The following KIF21A variants were observed in gnomAD, a reference collection of about 807,000 sequenced individuals.
KIF21A encodes the protein kinesin-like protein KIF21A.
Under a neutral mutation model 202.9 loss-of-function variants are expected in KIF21A, and 114 were observed. That is an observed-to-expected ratio of 0.56 (90% CI 0.48 to 0.66). KIF21A has a LOEUF of 0.66. Among genes scored for constraint, KIF21A ranks in the 30% least tolerant of loss-of-function variants. The pLI is 0.00. For missense variants in KIF21A, 1,677 were observed against 1,994.9 expected (o/e 0.84, Z 3.04); for synonymous variants, 667 against 670.8 (o/e 0.99, Z 0.09).
chr12:39,325,775 G>T, intron 26 of KIF21A, 64 bp downstream of exon 26: 1 of 1,139,066 alleles, frequency 8.8e-7, no homozygotes, highest in Non-Finnish European at 1.3e-6. Flanking sequence ...GAACCTATGT[G>T]TTAAATAGTG....
At chr12:39,392,063 C>A (rs1216544654) in intron 1 of KIF21A, among the ~76,000 whole-genome samples, 3 of 151,698 alleles carry the variant, frequency 2.0e-5, no homozygotes. Context: ...TTAAAAGAAG[C>A]GATTGATAAA....
chr12:39,318,017 T>C lies in KIF21A; in HGVS notation c.3908+56A>G, dbSNP rs1944758073. The C allele has an allele frequency of 9.7e-6, 15 of 1,550,016 alleles. No homozygotes were observed. In the Admixed American group the frequency reaches 2.0e-4, roughly 21 times the overall value. On this transcript the variant is annotated intron_variant, in intron 29 of 37. Coordinates refer to ENST00000361418, the MANE Select transcript of KIF21A (RefSeq NM_001173464.2). ...GACTACATGTTTTCTACAGACTGTA[T>C]TGACAGGTTCAGAATATTATATAAA...
intron 33 of KIF21A, 36 bp from the exon 34 acceptor site, chr12:39,307,765 T>G: frequency 6.2e-7 from 1 of 1,601,700 alleles, no homozygotes; most frequent in Non-Finnish European, 8.5e-7. Flanking sequence ...AAGTCACACT[T>G]CTGGACTTGG....
chr12:39,295,225 T>G (rs1050846461), intron 37 of KIF21A, among the ~76,000 whole-genome samples: 1 of 152,222 alleles, frequency 6.6e-6, no homozygotes, highest in African/African-American at 2.4e-5. Context: ...AAATTTTTTA[T>G]AAAAAGGGAA....
intron 1 of KIF21A, among the ~76,000 whole-genome samples, chr12:39,415,151 G>GT (rs200906037): frequency 3.9e-4 from 54 of 138,530 alleles, no homozygotes; most frequent in South Asian, 1.8e-3. Flanking sequence ...CCTTAAGTCA[G>GT]TTTTTTTTGT....
In KIF21A at chr12:39,301,624, T is replaced by C; in HGVS notation, c.4787A>G (p.His1596Arg). ...WVCALGVVPD[H>R]PVLLSGCRGG... ...TCTGCAGCCACTGAGCAAAACTGGGTGGTCTGGCACCACTCCCAGGGCACA... is the reference window on the plus strand; with the variant it reads ...TCTGCAGCCACTGAGCAAAACTGGGCGGTCTGGCACCACTCCCAGGGCACA... Residue 1596 changes from histidine to arginine, a missense_variant, in exon 37 of 38, where the codon CAC becomes CGC. By Grantham distance (29) the His-to-Arg change is conservative (BLOSUM62 0). Transcript: ENST00000361418. 1 of 1,614,100 alleles carries C rather than the reference T, an allele frequency of 6.2e-7. No individual in the cohort carries two copies. Among genetic ancestry groups the C allele is most frequent in the Non-Finnish European group, 8.5e-7 (1 of 1,179,992 alleles).
chr12:39,325,769 C>T, intron 26 of KIF21A, 70 bp downstream of exon 26: 1 of 1,048,352 alleles, frequency 9.5e-7, no homozygotes, highest in South Asian at 1.3e-5. Context: ...AAATCTGAAC[C>T]TATGTGTTAA....
At chr12:39,393,147 G>A (rs1951494779) in intron 1 of KIF21A, among the ~76,000 whole-genome samples, 1 of 151,748 alleles carries the variant, frequency 6.6e-6, no homozygotes. Context: ...AACCTTGTCA[G>A]CTGTCTCAGC....
At chr12:39,376,582 T>C (rs1406571112) in intron 1 of KIF21A, among the ~76,000 whole-genome samples, 1 of 152,116 alleles carries the variant, frequency 6.6e-6, no homozygotes, top group Non-Finnish European at 1.5e-5. Flanking sequence ...AATGAGCTAC[T>C]GAAGGAATGC....
chr12:39,302,217 C>T (rs2137134910), intron 36 of KIF21A, among the ~76,000 whole-genome samples: 1 of 152,190 alleles, frequency 6.6e-6, no homozygotes, highest in Non-Finnish European at 1.5e-5. Context: ...TATTTATATG[C>T]ACAATATAAA....
At position 39,303,143 on chromosome 12, in the gene KIF21A, G is replaced by C. The variant is rs1050716912; in HGVS notation, c.4561-8C>G. 1 of 1,613,452 alleles carries C rather than the reference G, an allele frequency of 6.2e-7. No homozygotes were observed. Among genetic ancestry groups the C allele is most frequent in the Non-Finnish European group, 8.5e-7 (1 of 1,179,698 alleles). On this transcript the variant is annotated splice_region_variant and splice_polypyrimidine_tract_variant and intron_variant, in intron 35 of 37. Coordinates refer to ENST00000361418, the MANE Select transcript of KIF21A (RefSeq NM_001173464.2). ...TTCTGTAACATCAAACATCTAAAAA[G>C]GTAGAAACAAAGCAGTTATCCTATT...
intron 11 of KIF21A, among the ~76,000 whole-genome samples, chr12:39,346,840 A>G (rs1480971313): frequency 6.6e-6 from 1 of 151,764 alleles, no homozygotes; most frequent in Non-Finnish European, 1.5e-5. Context: ...AAGTGGGTCA[A>G]TTTACTCAGC....
At chr12:39,401,434 A>C (rs1952166914) in intron 1 of KIF21A, among the ~76,000 whole-genome samples, 1 of 152,198 alleles carries the variant, frequency 6.6e-6, no homozygotes, top group Admixed American at 6.5e-5. Context: ...GTCTTTTAAA[A>C]AGACAATATT....
Position 39,331,746 on chromosome 12 carries a change from T to C in KIF21A, c.3097A>G (p.Thr1033Ala). 1 of 1,613,746 alleles carries C rather than the reference T, an allele frequency of 6.2e-7. No individual in the cohort carries two copies. Among genetic ancestry groups the C allele is most frequent in the Non-Finnish European group, 8.5e-7 (1 of 1,179,730 alleles). The stretch of plus-strand genomic sequence containing the variant: ...AGCAGGTATCGGGCTTCTGTAAGGG[T>C]GCAGGCATTAATGACTGCAGTAACA... ...LDVTAVINACTLTEARYLLDH... is the reference protein window; with the variant it reads ...LDVTAVINACALTEARYLLDH... Residue 1033 changes from threonine (T) to alanine (A), a missense_variant, in exon 22 of 38, where the codon ACC becomes GCC. Physicochemically the swap from Thr to Ala is moderately conservative, Grantham distance 58. This residue lies in a region of KIF21A where 705 missense variants were observed against 791.9 expected (regional missense o/e 0.89). Coordinates refer to ENST00000361418, the MANE Select transcript of KIF21A (RefSeq NM_001173464.2).
chr12:39,307,676 G>C lies in KIF21A; in HGVS notation c.4331C>G (p.Thr1444Arg). Reference protein sequence around the residue: ...GDACSASTSRTVAIPSGENQI... With the variant: ...GDACSASTSRRVAIPSGENQI... Reference sequence around the variant, plus strand: ...GTTCTCTCCAGAAGGAATAGCTACTGTTCGACTGGTACTTGCAGAACAAGC... The same window carrying C: ...GTTCTCTCCAGAAGGAATAGCTACTCTTCGACTGGTACTTGCAGAACAAGC... Residue 1444 changes from threonine to arginine, a missense_variant, in exon 34 of 38, where the codon ACA (threonine) becomes AGA (arginine). Physicochemically the swap from Thr to Arg is moderately conservative, Grantham distance 71. This residue lies in a region of KIF21A where 705 missense variants were observed against 791.9 expected (regional missense o/e 0.89). Transcript: ENST00000361418. 1 of 1,614,056 alleles carries C rather than the reference G, an allele frequency of 6.2e-7. No individual in the cohort carries two copies. Among genetic ancestry groups the C allele is most frequent in the East Asian group, 2.2e-5 (1 of 44,846 alleles).
intron 1 of KIF21A, among the ~76,000 whole-genome samples, chr12:39,395,898 C>T (rs1951714322): frequency 6.6e-6 from 1 of 151,670 alleles, no homozygotes; most frequent in South Asian, 2.1e-4. Context: ...TCTTCCTTCC[C>T]CCCGCCTCTC....
chr12:39,348,604 C>A (rs949357147), intron 11 of KIF21A, among the ~76,000 whole-genome samples: 55 of 151,964 alleles, frequency 3.6e-4, no homozygotes, highest in Admixed American at 3.4e-3. Flanking sequence ...TATAGCCACT[C>A]CAACCAAAAA....
intron 11 of KIF21A, among the ~76,000 whole-genome samples, chr12:39,348,403 A>G (rs1948085300): frequency 6.6e-6 from 1 of 152,130 alleles, no homozygotes; most frequent in Non-Finnish European, 1.5e-5. Flanking sequence ...GAAAATAAGC[A>G]CAAAAAGGTA....
In KIF21A at chr12:39,294,058, G is replaced by A. The variant is rs1942069691; in HGVS notation, c.*366C>T. On this transcript the variant is annotated 3_prime_UTR_variant, in exon 38 of 38. Coordinates refer to ENST00000361418, the MANE Select transcript of KIF21A (RefSeq NM_001173464.2). ...TCACTTGAATAAACTACATGAATGA[G>A]TTAATGGTGGGCTGCATCGTATTCC... 4.5e-6 allele frequency: 1 copy of A among 223,364 alleles called. No homozygotes were observed. The highest frequency in any genetic ancestry group is 6.9e-5 in the South Asian group (1 of 14,572). 13.8% of individuals were successfully genotyped at this position (223,364 alleles called of 1,614,324 possible). A position where few individuals can be genotyped will look rare whatever the true frequency, so the allele number is the denominator to read the frequency against.
Sources: allele counts gnomAD v4.1 joint callset (sites outside exome capture counted in the v4.1 genomes callset), GRCh38; gene constraint gnomAD v4.1.1; regional missense constraint gnomAD v4.1.1; transcripts MANE v1.5; gene names NCBI Gene and HGNC (gene_info 2026-07-23, HGNC 2026-07-21).